Variants in GRAMD1B observed in about 807,000 individuals in gnomAD.
GRAMD1B encodes GRAM domain containing 1B, also known as protein Aster-B.
Under a neutral mutation model 99.7 loss-of-function variants are expected in GRAMD1B, and 37 were observed. That is an observed-to-expected ratio of 0.37 (90% confidence interval 0.29 to 0.49). GRAMD1B has a LOEUF of 0.49. GRAMD1B is among the 20% of genes least tolerant of loss of function. The pLI, the probability that GRAMD1B is intolerant of heterozygous loss-of-function variation, is 0.98. For missense variants in GRAMD1B, 888 were observed against 1,009.2 expected (o/e 0.88, Z 1.63); for synonymous variants, 427 against 387.6 (o/e 1.10, Z -1.19).
intron 1 of GRAMD1B, among the ~76,000 whole-genome samples, chr11:123,479,050 A>G (rs1951447359): frequency 6.6e-6 from 1 of 152,252 alleles, no homozygotes; most frequent in East Asian, 1.9e-4. Context: ...AGGCAAATCC[A>G]TCCGAGCTGG....
At chr11:123,520,622 A>AAAAT (rs940895549) in intron 2 of GRAMD1B, among the ~76,000 whole-genome samples, 2 of 151,768 alleles carry the variant, frequency 1.3e-5, no homozygotes, top group African/African-American at 4.8e-5. Flanking sequence ...AATAAAAATA[A>AAAAT]AAATAAATTA....
intron 2 of GRAMD1B, chr11:123,560,199 G>A: frequency 3.9e-6 from 4 of 1,029,884 alleles, no homozygotes; most frequent in Non-Finnish European, 4.7e-6. Context: ...GCGCGTGTGC[G>A]TGTCTGCGCG....
chr11:123,465,732 G>C (rs113288907), intron 1 of GRAMD1B, among the ~76,000 whole-genome samples: 21,872 of 150,430 alleles, frequency 0.15, 1,933 homozygotes, highest in East Asian at 0.38. Flanking sequence ...TCACACCACT[G>C]TACTCCAGCC....
intron 1 of GRAMD1B, among the ~76,000 whole-genome samples, chr11:123,360,150 A>G (rs7105674): frequency 6.6e-6 from 1 of 152,124 alleles, no homozygotes; most frequent in African/African-American, 2.4e-5. Flanking sequence ...CCAGTGTAAC[A>G]CACACCGATC....
chr11:123,589,642 A>ATATAT (rs1950446757), intron 4 of GRAMD1B, among the ~76,000 whole-genome samples: 2 of 139,462 alleles, frequency 1.4e-5, no homozygotes, highest in African/African-American at 5.2e-5. Flanking sequence ...ATATATTTGT[A>ATATAT]GTAGAGACGG....
At chr11:123,417,008 C>T (rs141784826) in intron 1 of GRAMD1B, among the ~76,000 whole-genome samples, 128 of 152,292 alleles carry the variant, frequency 8.4e-4, no homozygotes, top group Non-Finnish European at 1.4e-3. Flanking sequence ...TTGTAATTCA[C>T]TTATGGGAGA....
At chr11:123,593,939 A>T (rs1366819534) in intron 4 of GRAMD1B, 143 bp from the exon 5 acceptor site, 1 of 640,254 alleles carries the variant, frequency 1.6e-6, no homozygotes, top group African/African-American at 1.8e-5. Flanking sequence ...GCCGTTCCTC[A>T]GCCTGGCCTC....
chr11:123,549,808 T>C (rs969689586), intron 2 of GRAMD1B, among the ~76,000 whole-genome samples: 1 of 152,042 alleles, frequency 6.6e-6, no homozygotes, highest in Admixed American at 6.5e-5. Context: ...AAGAGTCAAG[T>C]GTATATTGCA....
chr11:123,525,591 C>T (rs1012542152), intron 2 of GRAMD1B: 7 of 155,874 alleles, frequency 4.5e-5, no homozygotes, highest in South Asian at 2.0e-4. Context: ...TTTAAATGGG[C>T]GGAAGTGGCT....
At chr11:123,590,366 G>A (rs757280729) in intron 4 of GRAMD1B, among the ~76,000 whole-genome samples, 16 of 152,166 alleles carry the variant, frequency 1.1e-4, no homozygotes, top group Non-Finnish European at 2.2e-4. Flanking sequence ...GGCAACTTGA[G>A]TCTCACATTT....
intron 2 of GRAMD1B, among the ~76,000 whole-genome samples, chr11:123,556,966 C>T (rs1403185611): frequency 6.6e-6 from 1 of 152,202 alleles, no homozygotes; most frequent in Non-Finnish European, 1.5e-5. Flanking sequence ...GTAGCCCCTT[C>T]TTTTCACACG....
intron 14 of GRAMD1B, among the ~76,000 whole-genome samples, chr11:123,611,407 C>A (rs1393516949): frequency 6.6e-6 from 1 of 152,116 alleles, no homozygotes; most frequent in African/African-American, 2.4e-5. Context: ...GCACTCCAGC[C>A]TGGGAGACAG....
chr11:123,578,518 C>T (rs556072703), intron 3 of GRAMD1B: 13 of 924,846 alleles, frequency 1.4e-5, no homozygotes, highest in South Asian at 8.4e-5. Flanking sequence ...CTGGCCCTGC[C>T]GATTCTGGCC....
chr11:123,548,316 A>G (rs1408551789), intron 2 of GRAMD1B, among the ~76,000 whole-genome samples: 35 of 106,420 alleles, frequency 3.3e-4, no homozygotes, highest in African/African-American at 1.7e-3. Flanking sequence ...ATATATATAT[A>G]TATATATATA....
chr11:123,453,264 A>G (rs1949967850), intron 1 of GRAMD1B, among the ~76,000 whole-genome samples: 2 of 151,928 alleles, frequency 1.3e-5, no homozygotes, highest in African/African-American at 2.4e-5. Flanking sequence ...ATATATGTAT[A>G]TATCTAATAC....
chr11:123,423,760 T>A (rs1948544584), intron 1 of GRAMD1B, among the ~76,000 whole-genome samples: 1 of 152,204 alleles, frequency 6.6e-6, no homozygotes. Context: ...AAGAGACCCT[T>A]GTTTAAATTT....
At chr11:123,548,325 T>TACACACAC (rs138083511) in intron 2 of GRAMD1B, among the ~76,000 whole-genome samples, 11 of 86,890 alleles carry the variant, frequency 1.3e-4, no homozygotes, top group African/African-American at 3.1e-4. Context: ...TATATATATA[T>TACACACAC]ACACACACAC....
Position 123,591,856 on chromosome 11 carries a change from A to G in GRAMD1B, c.685-2226A>G, listed in dbSNP as rs957976819. On this transcript the variant is annotated intron_variant, in intron 4 of 19. Transcript: ENST00000635736. The surrounding 1 kb of genome is among the most constrained non-coding windows in gnomAD (Gnocchi z 4.7). ...GATAAAGGAGTTTCCAGACTGGCTG[A>G]CTTAGCAGGCCAGGGCTGGATTCAC... Among the ~76,000 whole-genome samples, 1 of 152,056 alleles carries G rather than the reference A, an allele frequency of 6.6e-6. No individual in the cohort carries two copies. The highest frequency in any genetic ancestry group is 1.5e-5 in the Non-Finnish European group (1 of 68,014).
In GRAMD1B at chr11:123,626,223, AG is replaced by A. The variant is rs1955505740; in HGVS notation, c.*3631del. On this transcript the variant is annotated 3_prime_UTR_variant, in exon 20 of 20. Transcript: ENST00000635736. ...TCTAGCACTTCTCTTTTGTTAAGAT[AG>A]GGTTTGGATTTAGTATGAAGCTTTG... 1 of 152,156 alleles carries A rather than the reference AG, an allele frequency of 6.6e-6. No homozygotes were observed. Among genetic ancestry groups the A allele is most frequent in the African/African-American group, 2.4e-5 (1 of 41,446 alleles). The allele number at this position is 152,156 out of a possible 1,614,324, so 9.4% of individuals were successfully genotyped here. A position where few individuals can be genotyped will look rare whatever the true frequency, so the allele number is the denominator to read the frequency against.
Sources: gnomAD v4.1 joint callset for allele counts (sites outside exome capture counted in the v4.1 genomes callset) on GRCh38, gnomAD v4.1.1 for gene constraint, Gnocchi (gnomAD v3.1) non-coding constraint, MANE v1.5 for transcripts, NCBI Gene and HGNC (gene_info 2026-07-23, HGNC 2026-07-21) for gene names.